PTBP3: variants seen among roughly 807,000 people sequenced by gnomAD.
PTBP3 encodes the protein polypyrimidine tract binding protein 3.
Under a neutral mutation model 58.7 loss-of-function variants are expected in PTBP3, and 20 were observed. The ratio of observed to expected loss-of-function variants is 0.34; its 90% CI spans 0.24 to 0.50. The LOEUF is 0.50. Among genes scored for constraint, PTBP3 ranks in the 20% least tolerant of loss-of-function variants. PTBP3 has a pLI of 0.98. For missense variants in PTBP3, 509 were observed against 637.2 expected (o/e 0.80, Z 2.17); for synonymous variants, 185 against 219.8 (o/e 0.84, Z 1.40).
intron 7 of PTBP3, among the ~76,000 whole-genome samples, chr9:112,243,667 T>C (rs1162158873): frequency 1.3e-5 from 2 of 152,102 alleles, no homozygotes; most frequent in African/African-American, 2.4e-5. Flanking sequence ...TTCATAAGAG[T>C]TTATCAGGGT....
the PTBP3 span, among the ~76,000 whole-genome samples, chr9:112,375,568 T>G: frequency 6.6e-6 from 1 of 152,086 alleles, no homozygotes. Context: ...ATCATGATCA[T>G]AGGGAACTCC....
chr9:112,316,995 A>C (rs1829732105), intron 1 of PTBP3, among the ~76,000 whole-genome samples: 1 of 138,264 alleles, frequency 7.2e-6, no homozygotes, highest in African/African-American at 2.7e-5. Context: ...CAGTAAAGAA[A>C]AAGGCCAGGA....
the PTBP3 span, among the ~76,000 whole-genome samples, chr9:112,361,345 C>G: frequency 6.6e-6 from 1 of 152,100 alleles, no homozygotes; most frequent in Non-Finnish European, 1.5e-5. Flanking sequence ...GTGATCTGCC[C>G]ATCTCGGCCT....
the PTBP3 span, among the ~76,000 whole-genome samples, chr9:112,357,671 A>C: frequency 6.6e-6 from 1 of 151,870 alleles, no homozygotes; most frequent in African/African-American, 2.4e-5. Flanking sequence ...TCTTTATAGC[A>C]ATTTTTTTTT....
At chr9:112,338,230 TAATA>T (rs1353492134), upstream of PTBP3, among the ~76,000 whole-genome samples, 1 of 152,202 alleles carries the variant, frequency 6.6e-6, no homozygotes, top group Non-Finnish European at 1.5e-5. Flanking sequence ...ATATTTGTGG[TAATA>T]AAACAGTTCT....
intron 2 of PTBP3, among the ~76,000 whole-genome samples, chr9:112,294,070 T>C (rs543166203): frequency 2.0e-4 from 30 of 152,286 alleles, no homozygotes; most frequent in African/African-American, 6.5e-4. Flanking sequence ...CATCAGGAAA[T>C]TGTATTTCAC....
chr9:112,277,461 C>T (rs1438298032), intron 2 of PTBP3, among the ~76,000 whole-genome samples: 1 of 152,150 alleles, frequency 6.6e-6, no homozygotes, highest in Non-Finnish European at 1.5e-5. Context: ...AAGTCACCAA[C>T]CTCACCCTGA....
At chr9:112,304,439 G>A (rs774094329) in intron 1 of PTBP3, among the ~76,000 whole-genome samples, 6 of 152,104 alleles carry the variant, frequency 3.9e-5, no homozygotes, top group Non-Finnish European at 8.8e-5. Flanking sequence ...GAAATGGCTG[G>A]ATCATATTTC....
chr9:112,270,428 C>T (rs1827325909), intron 3 of PTBP3, among the ~76,000 whole-genome samples: 1 of 152,234 alleles, frequency 6.6e-6, no homozygotes, highest in African/African-American at 2.4e-5. Context: ...TCACACTAAA[C>T]TGGCCAGAAA....
chr9:112,342,853 A>G, the PTBP3 span, among the ~76,000 whole-genome samples: 1 of 125,226 alleles, frequency 8.0e-6, no homozygotes, highest in African/African-American at 3.0e-5. Context: ...ATGACATCAC[A>G]GTAACTTTTT....
the PTBP3 span, among the ~76,000 whole-genome samples, chr9:112,355,550 T>C: frequency 6.6e-6 from 1 of 152,220 alleles, no homozygotes; most frequent in South Asian, 2.1e-4. Flanking sequence ...ACCCGTCTTC[T>C]TTTGTTTCCA....
In PTBP3 at chr9:112,222,545, A is replaced by G. The variant is rs1411227239; in HGVS notation, c.*1306T>C. 2 of 985,616 alleles carry G rather than the reference A, an allele frequency of 2.0e-6. No homozygotes were observed. The highest frequency in any genetic ancestry group is 3.5e-5 in the African/African-American group (2 of 57,224). The allele number at this position is 985,616 out of a possible 1,614,324, so 61.1% of individuals were successfully genotyped here. ...CAATAACCCCTATCAGTCACAATGT[A>G]AAGAGGCCTACAGGTGTGCACTGAA... On this transcript the variant is annotated 3_prime_UTR_variant, in exon 14 of 14. Transcript: ENST00000374257.
At chr9:112,240,916 C>T (rs1240600384) in intron 7 of PTBP3, among the ~76,000 whole-genome samples, 3 of 151,866 alleles carry the variant, frequency 2.0e-5, no homozygotes, top group African/African-American at 7.3e-5. Context: ...AAAAAGTTTA[C>T]AGAATAAGGC....
At chr9:112,311,388 T>G (rs1396883168) in intron 1 of PTBP3, among the ~76,000 whole-genome samples, 2 of 152,150 alleles carry the variant, frequency 1.3e-5, no homozygotes, top group Non-Finnish European at 2.9e-5. Context: ...GTATTATAAA[T>G]AACCTAGAGA....
the PTBP3 span, among the ~76,000 whole-genome samples, chr9:112,351,961 T>G: frequency 6.6e-6 from 1 of 152,082 alleles, no homozygotes; most frequent in Non-Finnish European, 1.5e-5. Flanking sequence ...CTTTTTTTTT[T>G]TTCCCCCAAG....
At chr9:112,273,202 T>C (rs547924153) in intron 3 of PTBP3, among the ~76,000 whole-genome samples, 1 of 152,140 alleles carries the variant, frequency 6.6e-6, no homozygotes, top group Admixed American at 6.5e-5. Context: ...ACTCCCCAAA[T>C]AAATAAAAAT....
intron 5 of PTBP3, among the ~76,000 whole-genome samples, chr9:112,258,793 G>A (rs1233551729): frequency 6.6e-6 from 1 of 152,146 alleles, no homozygotes; most frequent in African/African-American, 2.4e-5. Context: ...CTTGAGCCCA[G>A]GAGTTTATTT....
intron 1 of PTBP3, chr9:112,332,879 G>T: frequency 6.2e-7 from 1 of 1,607,738 alleles, no homozygotes; most frequent in Non-Finnish European, 8.5e-7. Context: ...TCGAGAAAGC[G>T]TTAACGTATC....
chr9:112,334,813 C>T (rs1587908577), upstream of PTBP3, among the ~76,000 whole-genome samples: 1 of 152,192 alleles, frequency 6.6e-6, no homozygotes, highest in Non-Finnish European at 1.5e-5. Context: ...CAGGTTCCAG[C>T]CGTCACTGTT....
Sources: gnomAD v4.1 joint callset for allele counts (sites outside exome capture counted in the v4.1 genomes callset) on GRCh38, gnomAD v4.1.1 for gene constraint, MANE v1.5 for transcripts, NCBI Gene and HGNC (gene_info 2026-07-23, HGNC 2026-07-21) for gene names.